FASTKD2: variants seen among roughly 807,000 people sequenced by gnomAD.
FASTKD2 encodes the protein FAST kinase domains 2.
A neutral mutation model predicts 63.6 loss-of-function variants in FASTKD2; 51 were observed. The ratio of observed to expected loss-of-function variants is 0.80; its 90% CI spans 0.64 to 1.01. The LOEUF (loss-of-function observed/expected upper bound fraction) is 1.01, where lower values mean the gene tolerates loss of function less well. FASTKD2 is among the 50% of genes least tolerant of loss of function. The pLI, the probability that FASTKD2 is intolerant of heterozygous loss-of-function variation, is 0.00. For missense variants in FASTKD2, 786 were observed against 831.1 expected, an observed-to-expected ratio of 0.95 and a Z score of 0.67; for synonymous variants, 284 against 293.4, an observed-to-expected ratio of 0.97 and a Z score of 0.33.
At chr2:206,774,097 T>C (rs904514831) in intron 6 of FASTKD2, 128 bp from the exon 7 acceptor site, 12 of 638,654 alleles carry the variant, frequency 1.9e-5, no homozygotes, top group African/African-American at 5.5e-5. Flanking sequence ...CATGGAAATA[T>C]TCTGTTTCAG....
chr2:206,783,559 A>G (rs1200148093), intron 7 of FASTKD2, among the ~76,000 whole-genome samples: 1 of 152,098 alleles, frequency 6.6e-6, no homozygotes, highest in Non-Finnish European at 1.5e-5. Context: ...GCTAAGTGGT[A>G]ATTAAAACTC....
In FASTKD2 at chr2:206,794,695, T is replaced by G. The variant is rs1690394723; in HGVS notation, c.*2893T>G. 6.6e-6 allele frequency among the ~76,000 whole-genome samples: 1 copy of G among 152,234 alleles called. No homozygotes were observed. The highest frequency in any genetic ancestry group is 2.4e-5 in the African/African-American group (1 of 41,446). On this transcript the variant is annotated 3_prime_UTR_variant, in exon 12 of 12. Coordinates refer to ENST00000402774, the MANE Select transcript of FASTKD2 (RefSeq NM_001136193.2). ...TTTCATATATACATAGCCTAACAAC[T>G]CTTCTTGTCATTGACAAAATGTGAT...
chr2:206,774,980 TA>T (rs1214418711), intron 7 of FASTKD2, among the ~76,000 whole-genome samples: 1 of 152,072 alleles, frequency 6.6e-6, no homozygotes, highest in South Asian at 2.1e-4. Context: ...AGATACTTTA[TA>T]TAAGTGGAGT....
intron 7 of FASTKD2, among the ~76,000 whole-genome samples, chr2:206,775,299 C>T (rs1386777829): frequency 6.7e-6 from 1 of 148,724 alleles, no homozygotes; most frequent in African/African-American, 2.5e-5. Context: ...AGGGATTCTG[C>T]TTTTACTAAG....
At chr2:206,772,469 A>G (rs1391589078) in intron 6 of FASTKD2, 149 bp downstream of exon 6, 3 of 792,688 alleles carry the variant, frequency 3.8e-6, no homozygotes, top group African/African-American at 3.5e-5. Context: ...TTAGCTCCTT[A>G]TTATTCCTGT....
At position 206,767,108 on chromosome 2, in the gene FASTKD2, G is replaced by T; in HGVS notation, c.415G>T (p.Val139Phe). 6.2e-7 allele frequency: 1 copy of T among 1,613,994 alleles called. No homozygotes were observed. Among genetic ancestry groups the T allele is most frequent in the Non-Finnish European group, 8.5e-7 (1 of 1,179,910 alleles). ...ELKKVNLNHEVSNEDVLTKET... is the reference protein window; with the variant it reads ...ELKKVNLNHEFSNEDVLTKET... ...GAAGAAAGTAAACCTTAATCATGAA[G>T]TCTCCAATGAAGATGTTCTTACCAA... Residue 139 changes from valine (V) to phenylalanine (F), a missense_variant, in exon 2 of 12, where the codon GTC becomes TTC. Coordinates refer to ENST00000402774, the MANE Select transcript of FASTKD2 (RefSeq NM_001136193.2).
chr2:206,781,356 C>A (rs1260256688), intron 7 of FASTKD2, among the ~76,000 whole-genome samples: 1 of 103,632 alleles, frequency 9.6e-6, no homozygotes, highest in African/African-American at 3.4e-5. Flanking sequence ...ATCTTTGTTG[C>A]CCAGGCTGGA....
At chr2:206,786,922 GTCACCAA>G (rs1344230796) in intron 8 of FASTKD2, 23 bp downstream of exon 8, 2 of 1,428,732 alleles carry the variant, frequency 1.4e-6, no homozygotes, top group Admixed American at 3.5e-5. Context: ...TGCAGAATTG[GTCACCAA>G]TTGTGACCAA....
chr2:206,767,130 C>G lies in FASTKD2; in HGVS notation c.437C>G (p.Thr146Ser). The G allele has an allele frequency of 6.2e-7, 1 of 1,614,008 alleles. No individual in the cohort carries two copies. ...NHEVSNEDVL[T>S]KETKPNRISS... ...GAAGTCTCCAATGAAGATGTTCTTA[C>G]CAAGGAAACAAAACCAAACCGTATC... The change falls in exon 2 of 12, where the codon ACC (threonine) becomes AGC (serine). Residue 146 changes from threonine to serine, a missense_variant. Coordinates refer to ENST00000402774, the MANE Select transcript of FASTKD2 (RefSeq NM_001136193.2).
intron 7 of FASTKD2, among the ~76,000 whole-genome samples, chr2:206,779,497 G>A (rs1689911827): frequency 6.6e-6 from 1 of 152,122 alleles, no homozygotes; most frequent in Non-Finnish European, 1.5e-5. Flanking sequence ...GAAGGCAAAG[G>A]GGAAGCAGTC....
chr2:206,770,613 C>T (rs1368497586), intron 3 of FASTKD2, among the ~76,000 whole-genome samples: 2 of 151,522 alleles, frequency 1.3e-5, no homozygotes, highest in Non-Finnish European at 2.9e-5. Flanking sequence ...GCCTGTAGTC[C>T]CAGCTGCTTG....
intron 2 of FASTKD2, among the ~76,000 whole-genome samples, chr2:206,769,348 A>G (rs113864013): frequency 0.014 from 2,175 of 152,332 alleles, 51 homozygotes; most frequent in African/African-American, 0.049. Flanking sequence ...TAATTTTAGC[A>G]AAAGAGCTTC....
chr2:206,766,519 T>C (rs373908894), intron 1 of FASTKD2, 125 bp from the exon 2 acceptor site: 1 of 619,606 alleles, frequency 1.6e-6, no homozygotes, highest in African/African-American at 1.8e-5. Context: ...AAACTTTTAC[T>C]GTTTTATGTA....
At chr2:206,778,410 G>T (rs146189565) in intron 7 of FASTKD2, among the ~76,000 whole-genome samples, 2,526 of 151,962 alleles carry the variant, frequency 0.017, 74 homozygotes, top group African/African-American at 0.057. Context: ...AACCCATTGG[G>T]TGTTCAAGAG....
chr2:206,789,827 C>T (rs946104537), intron 10 of FASTKD2: 4 of 152,322 alleles, frequency 2.6e-5, no homozygotes, highest in Middle Eastern at 3.4e-3. Context: ...TTTTCTTTTT[C>T]GGGTACTCCG....
At chr2:206,790,484 A>G (rs944309837) in intron 10 of FASTKD2, 88 bp from the exon 11 acceptor site, 25 of 845,056 alleles carry the variant, frequency 3.0e-5, no homozygotes, top group Non-Finnish European at 4.5e-5. Context: ...TGGAGAGCTC[A>G]ACTTGGAAAT....
rs1216819558 is a variant in FASTKD2 at position 206,766,663 on chromosome 2, C to T, written c.-31C>T. The stretch of plus-strand genomic sequence containing the variant: ...CTACAGGAAAACGACAGCACGTGTT[C>T]TTTTTCACTAGTAGAAGTGACGTTG... On this transcript the variant is annotated 5_prime_UTR_variant, in exon 2 of 12. Transcript: ENST00000402774. The T allele has an allele frequency of 5.6e-6, 9 of 1,602,866 alleles. No homozygotes were observed. Among genetic ancestry groups the T allele is most frequent in the Non-Finnish European group, 7.7e-6 (9 of 1,169,946 alleles).
In FASTKD2 at chr2:206,778,118, G is replaced by T. The variant is rs532408798; in HGVS notation, c.1427+3721G>T. 8.6e-5 allele frequency among the ~76,000 whole-genome samples: 13 copies of T among 151,658 alleles called. No homozygotes were observed. The South Asian group carries it at 1.7e-3, about 20-fold the overall frequency. ...ATAAACCCAAGTCTTCGTTTTGTTG[G>T]TTTTTTCTACTTCTTATTGTCTATT... On this transcript the variant is annotated intron_variant, in intron 7 of 11. Coordinates refer to ENST00000402774, the MANE Select transcript of FASTKD2 (RefSeq NM_001136193.2).
chr2:206,791,829 G>T lies in FASTKD2; in HGVS notation c.*27G>T. 6.2e-7 allele frequency: 1 copy of T among 1,604,088 alleles called. No homozygotes were observed. Among genetic ancestry groups the T allele is most frequent in the Non-Finnish European group, 8.5e-7 (1 of 1,174,072 alleles). On this transcript the variant is annotated 3_prime_UTR_variant, in exon 12 of 12. Transcript: ENST00000402774. The stretch of plus-strand genomic sequence containing the variant: ...GTGAAAATCAACCTTTTCATATTAG[G>T]AGACATGCATTTGTAAAAATTAATA...
Sources: gnomAD v4.1 joint callset for allele counts (sites outside exome capture counted in the v4.1 genomes callset) on GRCh38, gnomAD v4.1.1 for gene constraint, MANE v1.5 for transcripts, NCBI Gene and HGNC (gene_info 2026-07-23, HGNC 2026-07-21) for gene names.